Variants in CHD1L observed in about 807,000 individuals in gnomAD.
The protein encoded by CHD1L is ATP-dependent chromatin remodeler CHD1L.
A neutral mutation model predicts 115.9 loss-of-function variants in CHD1L; 118 were observed. The observed-to-expected ratio is 1.02, with a 90% confidence interval of 0.88 to 1.19. CHD1L has a LOEUF of 1.19. CHD1L is among the 50% of genes most tolerant of loss of function. The probability of loss-of-function intolerance (pLI) is 0.00; values close to 1 mark genes in which losing one functional copy is unlikely to be tolerated. For missense variants in CHD1L, 1,179 were observed against 1,065.3 expected (o/e 1.11, Z -1.49); for synonymous variants, 411 against 387.1 (o/e 1.06, Z -0.72).
the CHD1L span, among the ~76,000 whole-genome samples, chr1:147,198,682 G>A: frequency 6.6e-6 from 1 of 151,612 alleles, no homozygotes; most frequent in South Asian, 2.1e-4. Flanking sequence ...AACCCCGTCT[G>A]TATTAAAAAC....
At chr1:147,261,501 A>T (rs1045175313) in intron 6 of CHD1L, among the ~76,000 whole-genome samples, 1 of 152,056 alleles carries the variant, frequency 6.6e-6, no homozygotes, top group Non-Finnish European at 1.5e-5. Context: ...ATAATATTAC[A>T]TTGACAACAC....
intron 14 of CHD1L, 150 bp from the exon 15 acceptor site, chr1:147,279,876 G>A: frequency 1.4e-6 from 1 of 698,640 alleles, no homozygotes; most frequent in Non-Finnish European, 2.4e-6. Flanking sequence ...GGCCCTGGCT[G>A]TTACTATCTA....
chr1:147,223,754 G>C, the CHD1L span: 1 of 226,568 alleles, frequency 4.4e-6, no homozygotes, highest in Non-Finnish European at 8.8e-6. Flanking sequence ...GCAGCAAAGA[G>C]CTATCCTTTT....
chr1:147,268,095 G>A (rs1371062144), intron 9 of CHD1L, among the ~76,000 whole-genome samples: 1 of 152,116 alleles, frequency 6.6e-6, no homozygotes, highest in African/African-American at 2.4e-5. Context: ...CTCAGCTTCT[G>A]GGATATACTT....
upstream of CHD1L, among the ~76,000 whole-genome samples, chr1:147,240,484 A>C (rs1553930503): frequency 6.6e-6 from 1 of 152,224 alleles, no homozygotes. Flanking sequence ...GGGAAGGGAA[A>C]GACCTGACCG....
intron 2 of CHD1L, 30 bp downstream of exon 2, chr1:147,252,765 C>A: frequency 6.7e-7 from 1 of 1,489,356 alleles, no homozygotes; most frequent in Non-Finnish European, 9.4e-7. Flanking sequence ...GTACTGCTCA[C>A]CGCCACTGCG....
At chr1:147,186,062 C>T in the CHD1L span, among the ~76,000 whole-genome samples, 2 of 152,168 alleles carry the variant, frequency 1.3e-5, no homozygotes, top group African/African-American at 4.8e-5. Flanking sequence ...TGAATCAAAT[C>T]ACATTTGTAG....
Position 147,284,505 on chromosome 1 carries a change from A to T in CHD1L, c.1854+6A>T. 6.4e-7 allele frequency: 1 copy of T among 1,567,716 alleles called. No individual in the cohort carries two copies. The highest frequency in any genetic ancestry group is 8.6e-7 in the Non-Finnish European group (1 of 1,165,268). On this transcript the variant is annotated splice_donor_region_variant and intron_variant, in intron 16 of 22. Coordinates refer to ENST00000369258, the MANE Select transcript of CHD1L (RefSeq NM_004284.6). ...CACTCCGAAATAAAGGCAGTGTAAG[A>T]ACTGTTAATTTATTTAAAAGTTGTT...
chr1:147,254,812 A>T (rs1669542235), intron 2 of CHD1L, 58 bp from the exon 3 acceptor site: 2 of 1,263,688 alleles, frequency 1.6e-6, no homozygotes, highest in African/African-American at 3.0e-5. Flanking sequence ...TGGGAACTTC[A>T]TGGTTGTTTC....
upstream of CHD1L, among the ~76,000 whole-genome samples, chr1:147,240,378 A>G (rs1553930458): frequency 6.6e-6 from 1 of 152,220 alleles, no homozygotes; most frequent in Admixed American, 6.5e-5. Flanking sequence ...ACCCAGAGAC[A>G]CAATACACTG....
chr1:147,195,473 G>A, the CHD1L span, among the ~76,000 whole-genome samples: 1 of 152,098 alleles, frequency 6.6e-6, no homozygotes, highest in Admixed American at 6.6e-5. Flanking sequence ...AAGTCCTGTG[G>A]AAGATAAGCT....
At chr1:147,269,243 C>T (rs1278830110) in intron 10 of CHD1L, among the ~76,000 whole-genome samples, 1 of 152,154 alleles carries the variant, frequency 6.6e-6, no homozygotes, top group Non-Finnish European at 1.5e-5. Context: ...TAGTTGCCTG[C>T]TAGTAACTTG....
the CHD1L span, chr1:147,173,192 T>C: frequency 6.5e-6 from 1 of 153,756 alleles, no homozygotes; most frequent in Non-Finnish European, 1.4e-5. Context: ...TCCCAGCTAC[T>C]TGGGAGGATG....
intron 5 of CHD1L, among the ~76,000 whole-genome samples, chr1:147,257,738 G>T (rs1237406609): frequency 1.3e-5 from 2 of 152,304 alleles, no homozygotes; most frequent in South Asian, 2.1e-4. Flanking sequence ...TTTTACGGGT[G>T]AGGAAAATAA....
chr1:147,289,831 C>T (rs1553968840), intron 19 of CHD1L, among the ~76,000 whole-genome samples: 1 of 152,166 alleles, frequency 6.6e-6, no homozygotes, highest in African/African-American at 2.4e-5. Flanking sequence ...AGGGTTTAGG[C>T]AGAAGAATAG....
At chr1:147,226,492 A>G in the CHD1L span, among the ~76,000 whole-genome samples, 1 of 152,204 alleles carries the variant, frequency 6.6e-6, no homozygotes, top group African/African-American at 2.4e-5. Context: ...AATACAAAAT[A>G]TCCACTTCTA....
At chr1:147,183,845 G>A in the CHD1L span, among the ~76,000 whole-genome samples, 1 of 152,114 alleles carries the variant, frequency 6.6e-6, no homozygotes, top group African/African-American at 2.4e-5. Context: ...AAAGTAACAG[G>A]CCCAGTATTA....
intron 1 of CHD1L, 33 bp from the exon 2 acceptor site, chr1:147,252,590 G>C: frequency 6.5e-7 from 1 of 1,539,416 alleles, no homozygotes; most frequent in Non-Finnish European, 9.0e-7. Context: ...TGAAATGTCT[G>C]CTCTTCGGAT....
chr1:147,295,532 T>TTA lies in CHD1L; in HGVS notation c.*23_*24insTA, dbSNP rs1164206902. The stretch of plus-strand genomic sequence containing the variant: ...TAAGAATTGGCCCAGCCTCAGATCC[T>TTA]GTCTTTAGCAACCAGCTAATATTTA... On this transcript the variant is annotated 3_prime_UTR_variant, in exon 23 of 23. Transcript: ENST00000369258. The TTA allele has an allele frequency of 6.5e-7, 1 of 1,545,576 alleles. No homozygotes were observed. The highest frequency in any genetic ancestry group is 8.9e-7 in the Non-Finnish European group (1 of 1,122,216).
Sources: allele counts gnomAD v4.1 joint callset (sites outside exome capture counted in the v4.1 genomes callset), GRCh38; gene constraint gnomAD v4.1.1; transcripts MANE v1.5; gene names NCBI Gene and HGNC (gene_info 2026-07-23, HGNC 2026-07-21).